The following PLEKHA6 variants were observed in gnomAD, a reference collection of about 807,000 sequenced individuals.
The protein encoded by PLEKHA6 is pleckstrin homology domain-containing family A member 6.
Under a neutral mutation model 116.7 loss-of-function variants are expected in PLEKHA6, and 60 were observed. The ratio of observed to expected loss-of-function variants is 0.51; its 90% confidence interval spans 0.42 to 0.64. The LOEUF is 0.64. Among genes scored for constraint, PLEKHA6 ranks in the 30% least tolerant of loss-of-function variants. The probability of loss-of-function intolerance (pLI) is 0.00; values close to 1 mark genes in which losing one functional copy is unlikely to be tolerated. For missense variants in PLEKHA6, 1,338 were observed against 1,422.7 expected, an observed-to-expected ratio of 0.94 and a Z score of 0.96; for synonymous variants, 489 against 556.1, an observed-to-expected ratio of 0.88 and a Z score of 1.70.
Position 204,230,440 on chromosome 1 carries a change from G to A in PLEKHA6, c.2556C>T (p.Asp852=), listed in dbSNP as rs1160405299. 2.5e-6 allele frequency: 4 copies of A among 1,585,524 alleles called. No individual in the cohort carries two copies. Among genetic ancestry groups the A allele is most frequent in the African/African-American group, 1.3e-5 (1 of 74,656 alleles). Residue 852 remains aspartate (D), a synonymous_variant, in exon 18 of 23, where the codon GAC becomes GAT. Coordinates refer to ENST00000272203, the MANE Select transcript of PLEKHA6 (RefSeq NM_014935.5). ...CTTTGTAGGCTGGCCGGGGACTGGGGTCGGGGGCCGGGCTGGCCGGGAGCT... is the reference window on the plus strand; with the variant it reads ...CTTTGTAGGCTGGCCGGGGACTGGGATCGGGGGCCGGGCTGGCCGGGAGCT... The part of the protein sequence containing the change: ...SLQLPASPAP[D]PSPRPAYKVV...
chr1:204,364,889 C>T (rs910224062), upstream of PLEKHA6, among the ~76,000 whole-genome samples: 2 of 152,224 alleles, frequency 1.3e-5, no homozygotes, highest in Admixed American at 1.3e-4. Flanking sequence ...GTGATACACG[C>T]TCCAGTTGGA....
chr1:204,237,199 G>C (rs1367020534), intron 17 of PLEKHA6, among the ~76,000 whole-genome samples: 2 of 152,128 alleles, frequency 1.3e-5, no homozygotes, highest in African/African-American at 4.8e-5. Flanking sequence ...TGGGTTCCCA[G>C]ACTCATCCTA....
chr1:204,336,161 A>G (rs1026142438), intron 1 of PLEKHA6, among the ~76,000 whole-genome samples: 3 of 152,022 alleles, frequency 2.0e-5, no homozygotes, highest in African/African-American at 7.3e-5. Flanking sequence ...ATCACCAACC[A>G]ATCTTCCCTG....
chr1:204,260,903 G>A (rs746721512), intron 7 of PLEKHA6, among the ~76,000 whole-genome samples: 3 of 152,220 alleles, frequency 2.0e-5, no homozygotes, highest in Non-Finnish European at 4.4e-5. Context: ...GGTTCAGAGA[G>A]GGTGAGTCCC....
rs762985318 is a variant in PLEKHA6, at chr1:204,228,722, G to A, written c.2885+6C>T. The A allele has an allele frequency of 6.2e-7, 1 of 1,613,410 alleles. No homozygotes were observed. On this transcript the variant is annotated splice_donor_region_variant and intron_variant, in intron 20 of 22. Coordinates refer to ENST00000272203, the MANE Select transcript of PLEKHA6 (RefSeq NM_014935.5). This position sits in a 1 kb window ranked among gnomAD's most constrained non-coding sequence, Gnocchi z 4.0. ...GAGGAAGTAGAGGCTCACCCAGGCT[G>A]GTTACCTGGATTTGGCAATGAGTGT...
intron 1 of PLEKHA6, among the ~76,000 whole-genome samples, chr1:204,373,053 A>G (rs1375311212): frequency 6.8e-6 from 1 of 147,372 alleles, no homozygotes; most frequent in African/African-American, 2.5e-5. Flanking sequence ...GACTACAGGC[A>G]TGTACCACCA....
intron 21 of PLEKHA6, among the ~76,000 whole-genome samples, chr1:204,226,505 C>T (rs1660388467): frequency 6.6e-6 from 1 of 152,198 alleles, no homozygotes; most frequent in Non-Finnish European, 1.5e-5. Flanking sequence ...CATGTGGAAT[C>T]TGATCTTTGG....
intron 1 of PLEKHA6, among the ~76,000 whole-genome samples, chr1:204,338,589 T>C (rs1672737633): frequency 6.6e-6 from 1 of 152,196 alleles, no homozygotes; most frequent in African/African-American, 2.4e-5. Flanking sequence ...AGTCTTTGCC[T>C]TCCAAGAGTT....
Position 204,290,315 on chromosome 1 carries a change from TG to T in PLEKHA6, c.-94-15507del, listed in dbSNP as rs1224842251. Among the ~76,000 whole-genome samples, 58 of 152,310 alleles carry T rather than the reference TG, an allele frequency of 3.8e-4. No homozygotes were observed. The Middle Eastern group carries it at 0.014, about 36-fold the overall frequency. On this transcript the variant is annotated intron_variant, in intron 1 of 22. Coordinates refer to ENST00000272203, the MANE Select transcript of PLEKHA6 (RefSeq NM_014935.5). ...AGCTACAGTTATCAAGACAATGTAG[TG>T]TTGGCATAAAGACACATATATAGAT... is the stretch of plus-strand genomic sequence containing the variant.
intron 1 of PLEKHA6, chr1:204,275,139 G>A (rs1667867359): frequency 6.4e-6 from 1 of 156,098 alleles, no homozygotes; most frequent in African/African-American, 2.4e-5. Flanking sequence ...AGCCAATTCA[G>A]CACATCAGGA....
chr1:204,316,253 T>C (rs4322286), intron 1 of PLEKHA6, among the ~76,000 whole-genome samples: 149,340 of 152,330 alleles, frequency 0.98, 73,202 homozygotes, highest in East Asian at 1. Context: ...AAAAGAAACA[T>C]CGGGACTGAC....
At chr1:204,269,584 C>T (rs569418111) in intron 3 of PLEKHA6, among the ~76,000 whole-genome samples, 75 of 151,910 alleles carry the variant, frequency 4.9e-4, no homozygotes, top group African/African-American at 1.8e-3. Context: ...TCCCCTGCCT[C>T]TGTCCTCCCG....
At chr1:204,365,078 A>C (rs897276809) in intron 3 of PLEKHA6, among the ~76,000 whole-genome samples, 2 of 152,090 alleles carry the variant, frequency 1.3e-5, no homozygotes, top group African/African-American at 4.8e-5. Context: ...ATGAAAGGGA[A>C]GCGAATGTTG....
chr1:204,252,179 C>T (rs1664661797), intron 9 of PLEKHA6, among the ~76,000 whole-genome samples: 1 of 148,282 alleles, frequency 6.7e-6, no homozygotes, highest in Admixed American at 6.9e-5. Flanking sequence ...ATGAGGATCT[C>T]GGATGACGCT....
intron 1 of PLEKHA6, among the ~76,000 whole-genome samples, chr1:204,330,378 G>C (rs1259988382): frequency 6.6e-6 from 1 of 152,202 alleles, no homozygotes; most frequent in East Asian, 1.9e-4. Flanking sequence ...AAAGGACCAG[G>C]AACATACTTG....
chr1:204,326,261 T>C (rs969574282), intron 1 of PLEKHA6, among the ~76,000 whole-genome samples: 2 of 152,134 alleles, frequency 1.3e-5, no homozygotes, highest in Non-Finnish European at 2.9e-5. Context: ...TCAGCTCCTC[T>C]CTCCCTTAGA....
At chr1:204,363,359 C>T (rs1572233240), upstream of PLEKHA6, among the ~76,000 whole-genome samples, 4 of 152,348 alleles carry the variant, frequency 2.6e-5, no homozygotes, top group East Asian at 7.7e-4. Context: ...CGTGGGTGGA[C>T]TGCCTGCCTG....
intron 18 of PLEKHA6, 65 bp downstream of exon 18, chr1:204,230,348 C>A (rs1037511670): frequency 1.5e-6 from 2 of 1,339,982 alleles, no homozygotes; most frequent in Non-Finnish European, 2.0e-6. Context: ...GCTGGCCATG[C>A]CCTGGGAGTG....
At chr1:204,274,956 C>G in intron 1 of PLEKHA6, 147 bp from the exon 2 acceptor site, 6 of 562,206 alleles carry the variant, frequency 1.1e-5, no homozygotes, top group Non-Finnish European at 1.3e-5. Flanking sequence ...CCATGGGAGG[C>G]CTGGGCTGAC....
Sources: gnomAD v4.1 joint callset for allele counts (sites outside exome capture counted in the v4.1 genomes callset) on GRCh38, gnomAD v4.1.1 for gene constraint, Gnocchi (gnomAD v3.1) non-coding constraint, MANE v1.5 for transcripts, NCBI Gene and HGNC (gene_info 2026-07-23, HGNC 2026-07-21) for gene names.